Variants in TMEM38A observed in about 807,000 individuals in gnomAD.
TMEM38A encodes the protein transmembrane protein 38A.
A neutral mutation model predicts 28.6 loss-of-function variants in TMEM38A; 17 were observed. The ratio of observed to expected loss-of-function variants is 0.60; its 90% CI spans 0.41 to 0.89. The LOEUF (loss-of-function observed/expected upper bound fraction) is 0.89. Among genes scored for constraint, TMEM38A ranks in the 40% least tolerant of loss-of-function variants. TMEM38A has a pLI of 0.00. For synonymous variants in TMEM38A, 169 were observed against 166.1 expected (o/e 1.02, Z -0.14); for missense variants, 328 against 393.1 (o/e 0.83, Z 1.40).
At chr19:16,671,188 G>A (rs1380706899) in intron 1 of TMEM38A, among the ~76,000 whole-genome samples, 1 of 140,774 alleles carries the variant, frequency 7.1e-6, no homozygotes, top group Non-Finnish European at 1.5e-5. Context: ...ATGGAAAGGG[G>A]AAAGGACCTG....
intron 5 of TMEM38A, among the ~76,000 whole-genome samples, chr19:16,687,734 C>G (rs1271072982): frequency 6.6e-6 from 1 of 152,126 alleles, no homozygotes; most frequent in Non-Finnish European, 1.5e-5. Context: ...GGGCTCCACC[C>G]TTATGATCTA....
chr19:16,682,460 T>C lies in TMEM38A; in HGVS notation c.506T>C (p.Leu169Pro), dbSNP rs757809609. The C allele has an allele frequency of 1.1e-5, 17 of 1,613,878 alleles. No homozygotes were observed. Among genetic ancestry groups the C allele is most frequent in the Non-Finnish European group, 1.3e-5 (15 of 1,180,010 alleles). The change falls in exon 4 of 6, where the codon CTC becomes CCC. Residue 169 changes from leucine (L) to proline (P), a missense_variant. Coordinates refer to ENST00000187762, the MANE Select transcript of TMEM38A (RefSeq NM_024074.4). ...CTCATGTCCAACTTTGAGCAGCTGC[T>C]CCGAGGGGTCTGGAAGCCAGAGACC... is the stretch of plus-strand genomic sequence containing the variant. ...VALMSNFEQL[L>P]RGVWKPETNE...
intron 1 of TMEM38A, among the ~76,000 whole-genome samples, chr19:16,678,620 T>C (rs2086763368): frequency 6.6e-6 from 1 of 150,766 alleles, no homozygotes; most frequent in Non-Finnish European, 1.5e-5. Context: ...AAAATTAGCC[T>C]GGCATGGTGG....
intron 5 of TMEM38A, 68 bp from the exon 6 acceptor site, chr19:16,688,076 C>T (rs1399163036): frequency 2.6e-6 from 3 of 1,150,054 alleles, no homozygotes; most frequent in Non-Finnish European, 3.5e-6. Context: ...CCCTGCCCTC[C>T]ACTCCTTTGC....
Position 16,686,392 on chromosome 19 carries a change from T to C in TMEM38A, c.659T>C (p.Met220Thr). The stretch of plus-strand genomic sequence containing the variant: ...CTCATCTTCATCTTCACCTTGTTCA[T>C]GGTGTCCTGTAAGGTAAGCCTTTCT... ...ASLIFIFTLF[M>T]VSCKVFLTAT... The change falls in exon 5 of 6, where the codon ATG becomes ACG. Residue 220 changes from methionine to threonine, a missense_variant. By Grantham distance (81) the Met-to-Thr change is moderately conservative (BLOSUM62 -1). Coordinates refer to ENST00000187762, the MANE Select transcript of TMEM38A (RefSeq NM_024074.4). 7.4e-6 allele frequency: 12 copies of C among 1,612,636 alleles called. No homozygotes were observed. The highest frequency in any genetic ancestry group is 1.0e-5 in the Non-Finnish European group (12 of 1,179,050).
intron 5 of TMEM38A, 117 bp from the exon 6 acceptor site, chr19:16,688,027 A>G (rs2086808752): frequency 4.1e-6 from 3 of 737,340 alleles, no homozygotes; most frequent in Admixed American, 3.0e-5. Flanking sequence ...GCTACCTCCA[A>G]CCTTGACTTT....
intron 3 of TMEM38A, among the ~76,000 whole-genome samples, chr19:16,682,056 T>C (rs916700570): frequency 6.6e-6 from 1 of 152,056 alleles, no homozygotes; most frequent in African/African-American, 2.4e-5. Flanking sequence ...GATTAAGAAC[T>C]TGGAGCCTTG....
chr19:16,675,424 A>G lies in TMEM38A; in HGVS notation c.125-4560A>G, dbSNP rs184087087. Among the ~76,000 whole-genome samples the G allele has an allele frequency of 5.7e-4, 86 of 151,526 alleles. 2 individuals are homozygous for G. Among genetic ancestry groups the G allele is most frequent in the Admixed American group, 4.5e-3 (68 of 15,186 alleles). ...TATTGTTGTTGTTGTTTTAGAGATG[A>G]GATTTCACTATGTTCCCAGGGCTGG... On this transcript the variant is annotated intron_variant, in intron 1 of 5. Transcript: ENST00000187762.
chr19:16,672,590 AGGCGCAT>A lies in TMEM38A; in HGVS notation c.125-7392_125-7386del, dbSNP rs570406791. Among the ~76,000 whole-genome samples, 476 of 151,890 alleles carry A rather than the reference AGGCGCAT, an allele frequency of 3.1e-3. 6 individuals are homozygous for A. The highest frequency in any genetic ancestry group is 0.011 in the African/African-American group (455 of 41,388). On this transcript the variant is annotated intron_variant, in intron 1 of 5. Transcript: ENST00000187762. ...CAGCTTCCCAAGTAGCTGAGATTAC[AGGCGCAT>A]GCCACCACGCCCGGCTACTTTTTGT... is the stretch of plus-strand genomic sequence containing the variant.
At chr19:16,667,741 C>G (rs1332784065) in intron 1 of TMEM38A, among the ~76,000 whole-genome samples, 4 of 152,014 alleles carry the variant, frequency 2.6e-5, no homozygotes, top group Non-Finnish European at 5.9e-5. Flanking sequence ...CACCTGTAAT[C>G]CCAGCTACTT....
At chr19:16,671,889 G>A (rs746308547) in intron 1 of TMEM38A, among the ~76,000 whole-genome samples, 4 of 152,224 alleles carry the variant, frequency 2.6e-5, no homozygotes, top group Non-Finnish European at 5.9e-5. Context: ...AAAGAATTCA[G>A]TCCCTGGGAG....
intron 1 of TMEM38A, among the ~76,000 whole-genome samples, chr19:16,675,544 A>ATT (rs778592406): frequency 0.013 from 1,160 of 89,760 alleles, 38 homozygotes; most frequent in African/African-American, 0.046. Flanking sequence ...TCTCTTGACT[A>ATT]TTTTTTTTTT....
chr19:16,682,612 T>C, intron 4 of TMEM38A, 104 bp downstream of exon 4: 1 of 1,013,820 alleles, frequency 9.9e-7, no homozygotes, highest in Non-Finnish European at 1.5e-6. Context: ...AACCCTTGAC[T>C]CTGCCTTTCA....
At chr19:16,681,596 C>A (rs1005769144) in intron 3 of TMEM38A, among the ~76,000 whole-genome samples, 1 of 152,054 alleles carries the variant, frequency 6.6e-6, no homozygotes, top group Non-Finnish European at 1.5e-5. Flanking sequence ...ATATGGGTAC[C>A]CACAAAGTGC....
intron 1 of TMEM38A, among the ~76,000 whole-genome samples, chr19:16,670,276 GTT>G (rs750785005): frequency 3.5e-5 from 4 of 114,594 alleles, no homozygotes; most frequent in Non-Finnish European, 5.6e-5. Context: ...CCTGTTTTTT[GTT>G]TTTTTTTTTT....
intron 1 of TMEM38A, among the ~76,000 whole-genome samples, chr19:16,669,591 A>G (rs759176136): frequency 1.3e-5 from 2 of 152,092 alleles, no homozygotes; most frequent in Non-Finnish European, 2.9e-5. Context: ...TTGAACTACA[A>G]GCTTTTTGAG....
chr19:16,686,604 A>G (rs2306843), intron 5 of TMEM38A, among the ~76,000 whole-genome samples, 199 bp downstream of exon 5: 11,222 of 152,074 alleles, frequency 0.074, 566 homozygotes, highest in East Asian at 0.27. Flanking sequence ...AGATGAGAGG[A>G]ACAGGCCTTC....
At chr19:16,673,342 A>G (rs552621343) in intron 1 of TMEM38A, among the ~76,000 whole-genome samples, 1 of 152,172 alleles carries the variant, frequency 6.6e-6, no homozygotes, top group Non-Finnish European at 1.5e-5. Flanking sequence ...TTGGCCTCCC[A>G]AAGTGCTGGG....
chr19:16,682,737 G>A (rs555370806), intron 4 of TMEM38A, among the ~76,000 whole-genome samples: 3 of 152,278 alleles, frequency 2.0e-5, no homozygotes, highest in African/African-American at 7.2e-5. Context: ...TTGGGGTTTT[G>A]AAGGGTGAGC....
Sources: allele counts gnomAD v4.1 joint callset (sites outside exome capture counted in the v4.1 genomes callset), GRCh38; gene constraint gnomAD v4.1.1; transcripts MANE v1.5; gene names NCBI Gene and HGNC (gene_info 2026-07-23, HGNC 2026-07-21).